The following DLC1 variants were observed in gnomAD, a reference collection of about 807,000 sequenced individuals.
DLC1 encodes DLC1 Rho GTPase activating protein.
A neutral mutation model predicts 140.3 loss-of-function variants in DLC1; 54 were observed. The observed-to-expected ratio is 0.38, with a 90% CI of 0.31 to 0.48. DLC1 has a LOEUF of 0.48. Ranked by LOEUF, DLC1 falls within the 20% of genes least tolerant of loss-of-function variation. The probability of loss-of-function intolerance (pLI) is 0.96; values close to 1 mark genes in which losing one functional copy is unlikely to be tolerated. For missense variants in DLC1, 2,536 were observed against 1,907.0 expected (o/e 1.33, Z -6.14); for synonymous variants, 986 against 728.1 (o/e 1.35, Z -5.70).
At chr8:13,503,344 C>T (rs575757770) in intron 1 of DLC1, among the ~76,000 whole-genome samples, 31 of 152,072 alleles carry the variant, frequency 2.0e-4, no homozygotes, top group Admixed American at 1.1e-3. Context: ...GTCAAGACTG[C>T]AGTGAGCCAT....
chr8:13,251,437 G>A (rs1829999795), intron 5 of DLC1, among the ~76,000 whole-genome samples: 1 of 151,988 alleles, frequency 6.6e-6, no homozygotes, highest in South Asian at 2.1e-4. Flanking sequence ...GGGAAATATA[G>A]TCCTAATCAT....
At chr8:13,146,175 T>A (rs113114326) in intron 5 of DLC1, among the ~76,000 whole-genome samples, 7 of 151,638 alleles carry the variant, frequency 4.6e-5, no homozygotes, top group African/African-American at 1.7e-4. Flanking sequence ...CTCGGGAGGC[T>A]GAGGCAGGAG....
intron 1 of DLC1, among the ~76,000 whole-genome samples, chr8:13,547,904 CT>C (rs1342021429): frequency 2.6e-5 from 4 of 151,406 alleles, no homozygotes; most frequent in African/African-American, 9.7e-5. Context: ...TCTCTTTTTT[CT>C]TGTCTTCCGG....
At chr8:13,230,597 C>CTTTTTTTTTTTTT (rs548424340) in intron 5 of DLC1, among the ~76,000 whole-genome samples, 2 of 133,728 alleles carry the variant, frequency 1.5e-5, no homozygotes, top group Admixed American at 7.6e-5. Flanking sequence ...TTTCTTTTTT[C>CTTTTTTTTTTTTT]TTTTTTTTTT....
Position 13,111,345 on chromosome 8 carries a change from C to T in DLC1, c.1421-522G>A, listed in dbSNP as rs557190607. Among the ~76,000 whole-genome samples the T allele has an allele frequency of 7.2e-5, 11 of 152,278 alleles. No homozygotes were observed. The East Asian group carries it at 2.1e-3, about 29-fold the overall frequency. The stretch of plus-strand genomic sequence containing the variant: ...AGAGCTAAGGAGAATTCAAGATATG[C>T]TTTTTAAAAACAAATATTAGCACTG... On this transcript the variant is annotated intron_variant, in intron 6 of 17. Coordinates refer to ENST00000276297, the MANE Select transcript of DLC1 (RefSeq NM_182643.3).
At chr8:13,224,761 A>G (rs1828711231) in intron 5 of DLC1, among the ~76,000 whole-genome samples, 1 of 152,198 alleles carries the variant, frequency 6.6e-6, no homozygotes, top group Non-Finnish European at 1.5e-5. Flanking sequence ...GACAGTGTCT[A>G]CAAGAGTGAG....
chr8:13,544,362 C>T (rs1343914448), intron 1 of DLC1, among the ~76,000 whole-genome samples: 1 of 152,102 alleles, frequency 6.6e-6, no homozygotes, highest in Admixed American at 6.6e-5. Context: ...TACCTGTGGT[C>T]TTATTACTCT....
At chr8:13,526,167 T>C (rs1263782749) in intron 1 of DLC1, among the ~76,000 whole-genome samples, 2 of 152,204 alleles carry the variant, frequency 1.3e-5, no homozygotes, top group Non-Finnish European at 2.9e-5. Flanking sequence ...TCCATTCTCT[T>C]AATCTATTTT....
intron 2 of DLC1, among the ~76,000 whole-genome samples, chr8:13,444,024 T>G (rs182098798): frequency 4.0e-5 from 6 of 148,670 alleles, no homozygotes; most frequent in African/African-American, 1.3e-4. Flanking sequence ...TATCTTAAAC[T>G]CTAAGTGAAA....
At chr8:13,326,772 A>T (rs1311484738) in intron 4 of DLC1, among the ~76,000 whole-genome samples, 1 of 152,126 alleles carries the variant, frequency 6.6e-6, no homozygotes, top group Non-Finnish European at 1.5e-5. Flanking sequence ...GGGGCTGAAG[A>T]AGTTATATTT....
chr8:13,323,240 A>G (rs891785169), intron 4 of DLC1, among the ~76,000 whole-genome samples: 2 of 152,210 alleles, frequency 1.3e-5, no homozygotes, highest in African/African-American at 2.4e-5. Context: ...TAACAAATGC[A>G]TTTGCCTATA....
intron 4 of DLC1, among the ~76,000 whole-genome samples, chr8:13,317,206 G>A (rs1483063702): frequency 6.6e-6 from 1 of 152,164 alleles, no homozygotes; most frequent in Admixed American, 6.5e-5. Context: ...TATAAGGAAG[G>A]TTAAGTAGTA....
chr8:13,499,343 A>C lies in DLC1; in HGVS notation c.729T>G (p.Asp243Glu), dbSNP rs759748490. 1.2e-6 allele frequency: 2 copies of C among 1,613,848 alleles called. No homozygotes were observed. Among genetic ancestry groups the C allele is most frequent in the Admixed American group, 3.3e-5 (2 of 59,972 alleles). The change falls in exon 2 of 18, where the codon GAT (aspartate) becomes GAG (glutamate). Residue 243 changes from aspartate to glutamate, a missense_variant. By Grantham distance (45) the Asp-to-Glu change is conservative. Coordinates refer to ENST00000276297, the MANE Select transcript of DLC1 (RefSeq NM_182643.3). ...QQRRKPDPPK[D>E]ENERSTCNVV... The stretch of plus-strand genomic sequence containing the variant: ...CATTGCAGGTGCTTCTTTCATTTTC[A>C]TCTTTAGGGGGGTCAGGTTTCCTTC...
chr8:13,189,411 A>G (rs1826613629), intron 5 of DLC1, among the ~76,000 whole-genome samples: 1 of 149,970 alleles, frequency 6.7e-6, no homozygotes, highest in Non-Finnish European at 1.5e-5. Context: ...CTGAGAGTTC[A>G]AGGCTGCAGT....
chr8:13,603,093 C>G (rs1233779096), intron 1 of DLC1, among the ~76,000 whole-genome samples: 2 of 151,778 alleles, frequency 1.3e-5, no homozygotes, highest in African/African-American at 2.4e-5. Context: ...CACAAACATG[C>G]TGTTTTGTTT....
intron 1 of DLC1, among the ~76,000 whole-genome samples, chr8:13,588,040 C>G (rs905304687): frequency 2.0e-5 from 3 of 152,070 alleles, no homozygotes; most frequent in Admixed American, 6.6e-5. Context: ...TCAGCTTACA[C>G]CAGAGGTTAA....
intron 1 of DLC1, among the ~76,000 whole-genome samples, chr8:13,562,654 T>A (rs1425680555): frequency 1.3e-5 from 2 of 152,110 alleles, no homozygotes; most frequent in Non-Finnish European, 2.9e-5. Context: ...TGGAGGGGGA[T>A]TTGGAAGTAA....
intron 1 of DLC1, among the ~76,000 whole-genome samples, chr8:13,577,984 C>G (rs575283015): frequency 6.6e-6 from 1 of 151,246 alleles, no homozygotes; most frequent in Admixed American, 6.6e-5. Context: ...ATTCCTGTAA[C>G]ACTGAGGATC....
intron 5 of DLC1, among the ~76,000 whole-genome samples, chr8:13,261,097 C>A (rs533326403): frequency 6.6e-6 from 1 of 152,292 alleles, no homozygotes; most frequent in Non-Finnish European, 1.5e-5. Context: ...CCTGGCCTCA[C>A]AGGGGAACTT....
Sources: allele counts gnomAD v4.1 joint callset (sites outside exome capture counted in the v4.1 genomes callset), GRCh38; gene constraint gnomAD v4.1.1; transcripts MANE v1.5; gene names NCBI Gene and HGNC (gene_info 2026-07-23, HGNC 2026-07-21).